Variants in PDZRN3 observed in about 807,000 individuals in gnomAD.
PDZRN3 encodes the protein E3 ubiquitin-protein ligase PDZRN3.
In PDZRN3, 38 loss-of-function variants were observed where a neutral mutation model predicts 85.7. That is an observed-to-expected ratio of 0.44 (90% confidence interval 0.34 to 0.58). The LOEUF is 0.58. Among genes scored for constraint, PDZRN3 ranks in the 20% least tolerant of loss-of-function variants. PDZRN3 has a pLI of 0.01. For synonymous variants in PDZRN3, 759 were observed against 638.0 expected (o/e 1.19, Z -2.86); for missense variants, 1,629 against 1,506.4 (o/e 1.08, Z -1.35).
chr3:73,552,548 T>C (rs572945205), intron 3 of PDZRN3, among the ~76,000 whole-genome samples: 1 of 152,232 alleles, frequency 6.6e-6, no homozygotes, highest in Admixed American at 6.5e-5. Context: ...TTTTTGCGCA[T>C]GTGAGTGTGT....
At chr3:73,521,202 C>T (rs940139002) in intron 3 of PDZRN3, among the ~76,000 whole-genome samples, 2 of 152,246 alleles carry the variant, frequency 1.3e-5, no homozygotes, top group Non-Finnish European at 1.5e-5. Context: ...GGTTGTTGTG[C>T]GTGCCACTCC....
At chr3:73,413,271 C>T (rs796792638) in intron 3 of PDZRN3, among the ~76,000 whole-genome samples, 9 of 152,250 alleles carry the variant, frequency 5.9e-5, no homozygotes, top group African/African-American at 2.2e-4. Flanking sequence ...TAGGTTTGGG[C>T]TCCTAAAAAG....
intron 3 of PDZRN3, among the ~76,000 whole-genome samples, chr3:73,458,873 C>A (rs1415596502): frequency 2.6e-5 from 4 of 151,484 alleles, no homozygotes; most frequent in African/African-American, 9.7e-5. Flanking sequence ...ACGCCTGTAG[C>A]CCCAGCTACT....
At chr3:73,546,521 A>G (rs142328025) in intron 3 of PDZRN3, among the ~76,000 whole-genome samples, 38 of 152,344 alleles carry the variant, frequency 2.5e-4, no homozygotes, top group African/African-American at 8.2e-4. Flanking sequence ...ATGCCCATTC[A>G]TCAGTGAGGA....
At chr3:73,438,152 A>G (rs540886395) in intron 3 of PDZRN3, among the ~76,000 whole-genome samples, 1 of 152,258 alleles carries the variant, frequency 6.6e-6, no homozygotes, top group African/African-American at 2.4e-5. Flanking sequence ...GCCTTCATGG[A>G]AATTAAAAAT....
chr3:73,577,663 T>C (rs551717262), intron 3 of PDZRN3, among the ~76,000 whole-genome samples: 28 of 152,294 alleles, frequency 1.8e-4, no homozygotes, highest in African/African-American at 6.7e-4. Flanking sequence ...TGTCTCTTGA[T>C]AGCACTCTCT....
At chr3:73,410,737 T>A (rs1701949931) in intron 3 of PDZRN3, among the ~76,000 whole-genome samples, 1 of 152,228 alleles carries the variant, frequency 6.6e-6, no homozygotes, top group Non-Finnish European at 1.5e-5. Context: ...AAAACATACA[T>A]GTACTTACTT....
chr3:73,495,678 A>G (rs1245246088), intron 3 of PDZRN3, among the ~76,000 whole-genome samples: 2 of 102,358 alleles, frequency 2.0e-5, no homozygotes, highest in African/African-American at 2.7e-5. Flanking sequence ...CTTTACACAC[A>G]TAAGGCTAGA....
At chr3:73,574,465 G>GC (rs1575746096) in intron 3 of PDZRN3, among the ~76,000 whole-genome samples, 1 of 138,750 alleles carries the variant, frequency 7.2e-6, no homozygotes, top group East Asian at 2.2e-4. Context: ...GGTGGGGGGG[G>GC]TGGGGAGGGC....
chr3:73,495,032 G>A (rs1703841563), intron 3 of PDZRN3, among the ~76,000 whole-genome samples: 1 of 152,312 alleles, frequency 6.6e-6, no homozygotes, highest in Non-Finnish European at 1.5e-5. Context: ...AGGGGGGACA[G>A]AGGAATGCAA....
intron 3 of PDZRN3, among the ~76,000 whole-genome samples, chr3:73,426,418 TTCTC>T (rs1454858362): frequency 1.3e-5 from 2 of 152,316 alleles, no homozygotes; most frequent in African/African-American, 4.8e-5. Context: ...ATTTTATATA[TTCTC>T]TCTCCTTTAC....
intron 3 of PDZRN3, among the ~76,000 whole-genome samples, chr3:73,573,829 A>ATACACATACACC (rs200156279): frequency 0.014 from 869 of 62,594 alleles, 3 homozygotes; most frequent in African/African-American, 0.05. Context: ...ATACATATAC[A>ATACACATACACC]TATACATATA....
At chr3:73,599,478 GA>G (rs746827788) in intron 3 of PDZRN3, among the ~76,000 whole-genome samples, 1 of 152,154 alleles carries the variant, frequency 6.6e-6, no homozygotes, top group Non-Finnish European at 1.5e-5. Flanking sequence ...CGAGGAAGAT[GA>G]AAAAGTTCTG....
chr3:73,600,333 A>ACTCT (rs1415189079), intron 3 of PDZRN3, among the ~76,000 whole-genome samples: 45 of 38,474 alleles, frequency 1.2e-3, no homozygotes, highest in South Asian at 7.2e-3. Context: ...ACACACACAC[A>ACTCT]CACACTCTCT....
At chr3:73,396,222 A>C (rs529803173) in intron 5 of PDZRN3, among the ~76,000 whole-genome samples, 20 of 151,490 alleles carry the variant, frequency 1.3e-4, no homozygotes, top group African/African-American at 4.6e-4. Context: ...CTCAAAACAA[A>C]CAAAAAAAAA....
intron 3 of PDZRN3, among the ~76,000 whole-genome samples, chr3:73,529,670 G>T (rs1704608486): frequency 6.6e-6 from 1 of 152,238 alleles, no homozygotes; most frequent in African/African-American, 2.4e-5. Context: ...GGTTATCAAG[G>T]TGATGCCAAG....
intron 5 of PDZRN3, among the ~76,000 whole-genome samples, chr3:73,393,282 C>T (rs1701565541): frequency 6.6e-6 from 1 of 152,114 alleles, no homozygotes; most frequent in Non-Finnish European, 1.5e-5. Flanking sequence ...GAATGGCTGG[C>T]CGCCAAGGTG....
intron 3 of PDZRN3, among the ~76,000 whole-genome samples, chr3:73,560,375 CGAGGCTGAGTG>C (rs1701791615): frequency 1.3e-5 from 2 of 152,188 alleles, no homozygotes; most frequent in South Asian, 4.2e-4. Context: ...AATTCAACCT[CGAGGCTGAGTG>C]CTCCTCATCC....
At chr3:73,416,062 T>G (rs538805746) in intron 3 of PDZRN3, among the ~76,000 whole-genome samples, 43 of 152,194 alleles carry the variant, frequency 2.8e-4, no homozygotes, top group East Asian at 9.7e-4. Flanking sequence ...TAAGGGTTTT[T>G]TTTGTTTGTT....
Sources: gnomAD v4.1 joint callset for allele counts (sites outside exome capture counted in the v4.1 genomes callset) on GRCh38, gnomAD v4.1.1 for gene constraint, MANE v1.5 for transcripts, NCBI Gene and HGNC (gene_info 2026-07-23, HGNC 2026-07-21) for gene names.